Variants in DAAM2 observed in about 807,000 individuals in gnomAD.
The protein encoded by DAAM2 is disheveled-associated activator of morphogenesis 2.
In DAAM2, 39 loss-of-function variants were observed where a neutral mutation model predicts 120.7. The observed-to-expected ratio is 0.32, with a 90% CI of 0.25 to 0.42. The LOEUF (loss-of-function observed/expected upper bound fraction) is 0.42. DAAM2 is among the 10% of genes least tolerant of loss of function. DAAM2 has a pLI of 1.00. For synonymous variants in DAAM2, 488 were observed against 524.9 expected, an observed-to-expected ratio of 0.93 and a Z score of 0.96; for missense variants, 1,283 against 1,401.7, an observed-to-expected ratio of 0.92 and a Z score of 1.35.
intron 14 of DAAM2, chr6:39,881,817 G>T (rs1235718366): frequency 6.6e-6 from 1 of 151,904 alleles, no homozygotes; most frequent in African/African-American, 2.4e-5. Flanking sequence ...ATAATAAATA[G>T]ATTATTATTA....
rs117433317 is a variant in DAAM2, at chr6:39,832,197, A to C, written c.-56-24050A>C. Among the ~76,000 whole-genome samples, 1,356 of 152,058 alleles carry C rather than the reference A, an allele frequency of 8.9e-3. 18 individuals are homozygous for C. Among genetic ancestry groups the C allele is most frequent in the Admixed American group, 0.028 (425 of 15,278 alleles). ...GTAGAGGGGCCGACAGGTCAGTTGC[A>C]GTTAAACCTGGGTGAAAGTGGGGCT... On this transcript the variant is annotated intron_variant, in intron 1 of 24. Transcript: ENST00000274867.
intron 1 of DAAM2, among the ~76,000 whole-genome samples, chr6:39,844,667 G>A (rs1413831056): frequency 1.3e-5 from 2 of 152,126 alleles, no homozygotes; most frequent in South Asian, 2.1e-4. Context: ...CTTCTCAACA[G>A]TAACATTTCC....
intron 1 of DAAM2, among the ~76,000 whole-genome samples, chr6:39,811,684 G>A (rs1318248693): frequency 6.6e-6 from 1 of 152,032 alleles, no homozygotes; most frequent in East Asian, 1.9e-4. Flanking sequence ...TTTATGTCTG[G>A]GTTTGGCCTT....
At chr6:39,871,073 T>C (rs911716694) in intron 8 of DAAM2, among the ~76,000 whole-genome samples, 4 of 152,072 alleles carry the variant, frequency 2.6e-5, no homozygotes, top group African/African-American at 9.7e-5. Flanking sequence ...CTGGGGAAAA[T>C]AGACCAGGGC....
intron 1 of DAAM2, among the ~76,000 whole-genome samples, chr6:39,833,264 T>G (rs1322366426): frequency 6.6e-6 from 1 of 152,108 alleles, no homozygotes; most frequent in Non-Finnish European, 1.5e-5. Context: ...TCTTTTCCTT[T>G]CTTTTCTTTT....
intron 19 of DAAM2, 86 bp downstream of exon 19, chr6:39,891,808 G>A: frequency 4.0e-6 from 4 of 996,328 alleles, no homozygotes; most frequent in Non-Finnish European, 5.9e-6. Context: ...AGGGGCAGAG[G>A]GAAACCCCTT....
intron 17 of DAAM2, among the ~76,000 whole-genome samples, chr6:39,890,846 T>C (rs1217099229): frequency 1.3e-5 from 2 of 152,142 alleles, no homozygotes; most frequent in East Asian, 3.9e-4. Flanking sequence ...CTCAGCACTT[T>C]TGGAGGCTGA....
At position 39,884,066 on chromosome 6, in the gene DAAM2, C is replaced by G. The variant is rs773176524; in HGVS notation, c.1950C>G (p.His650Gln). The G allele has an allele frequency of 3.2e-6, 5 of 1,556,918 alleles. No homozygotes were observed. The highest frequency in any genetic ancestry group is 8.8e-7 in the Non-Finnish European group (1 of 1,131,430). Residue 650 changes from histidine to glutamine, a missense_variant, in exon 15 of 25, where the codon CAC becomes CAG. Around this residue, in one of 3 missense-constraint regions of DAAM2, gnomAD observed 748 missense variants for 768.6 expected, o/e 0.97. Coordinates refer to ENST00000274867, the MANE Select transcript of DAAM2 (RefSeq NM_001201427.2). ...FEKMFSAYQR[H>Q]QKELGSTEDI... ...AGATGTTTTCAGCCTACCAGAGGCACCAGGTAAGACCCTATACCCTCTGGC... is the reference window on the plus strand; with the variant it reads ...AGATGTTTTCAGCCTACCAGAGGCAGCAGGTAAGACCCTATACCCTCTGGC...
intron 1 of DAAM2, among the ~76,000 whole-genome samples, chr6:39,836,640 G>C (rs542674049): frequency 2.6e-5 from 4 of 152,134 alleles, no homozygotes; most frequent in Non-Finnish European, 4.4e-5. Context: ...CTCTGGGGTG[G>C]GGCCCAGCAA....
intron 1 of DAAM2, among the ~76,000 whole-genome samples, chr6:39,815,119 C>T (rs527975882): frequency 6.6e-6 from 1 of 152,358 alleles, no homozygotes; most frequent in South Asian, 2.1e-4. Context: ...GCTTCTGGAT[C>T]AAGCTCTAGG....
chr6:39,873,141 A>G (rs1362036223), intron 9 of DAAM2, 97 bp from the exon 10 acceptor site: 2 of 776,210 alleles, frequency 2.6e-6, no homozygotes, highest in African/African-American at 3.4e-5. Flanking sequence ...AACCTTTCCT[A>G]TGAGACAGGG....
chr6:39,882,917 T>C (rs1765194551), intron 14 of DAAM2, among the ~76,000 whole-genome samples: 1 of 152,052 alleles, frequency 6.6e-6, no homozygotes, highest in African/African-American at 2.4e-5. Flanking sequence ...GCCTCCCCTT[T>C]CCAGAGTTTA....
rs115241657 is a variant in DAAM2, at chr6:39,870,693, G to C, written c.977+250G>C. 9.8e-3 allele frequency among the ~76,000 whole-genome samples: 1,488 copies of C among 152,320 alleles called. 9 individuals carry two copies. The highest frequency in any genetic ancestry group is 0.033 in the African/African-American group (1,384 of 41,574). On this transcript the variant is annotated intron_variant, in intron 8 of 24. Coordinates refer to ENST00000274867, the MANE Select transcript of DAAM2 (RefSeq NM_001201427.2). ...TCAACCATTGCAGTACTTCCCCCTG[G>C]GGGGCATGTGGAAATATATGAGGGT...
At chr6:39,869,077 T>C (rs1371849285) in intron 7 of DAAM2, 144 bp downstream of exon 7, 15 of 663,786 alleles carry the variant, frequency 2.3e-5, no homozygotes, top group African/African-American at 1.8e-5. Flanking sequence ...GGTAGCATCA[T>C]GCACGGTGGA....
At chr6:39,824,456 T>C (rs1306375600) in intron 1 of DAAM2, among the ~76,000 whole-genome samples, 1 of 152,174 alleles carries the variant, frequency 6.6e-6, no homozygotes, top group Non-Finnish European at 1.5e-5. Flanking sequence ...CCCTGTTTGT[T>C]TTGACATCCC....
At chr6:39,886,132 C>G (rs1451047762) in intron 15 of DAAM2, 11 of 342,090 alleles carry the variant, frequency 3.2e-5, no homozygotes, top group Non-Finnish European at 4.7e-5. Flanking sequence ...TGGGAGAACT[C>G]AGGGGTTTGG....
intron 1 of DAAM2, among the ~76,000 whole-genome samples, chr6:39,830,319 C>T (rs564231657): frequency 3.3e-5 from 5 of 152,234 alleles, no homozygotes; most frequent in Non-Finnish European, 4.4e-5. Context: ...TGGGGCATTG[C>T]GAGAAATTGG....
chr6:39,810,589 C>T (rs1269667908), intron 1 of DAAM2, among the ~76,000 whole-genome samples: 2 of 152,072 alleles, frequency 1.3e-5, no homozygotes, highest in African/African-American at 4.8e-5. Flanking sequence ...CCCCAGCCCA[C>T]CTCTCCCCTG....
At chr6:39,804,398 A>G (rs377663848) in intron 1 of DAAM2, among the ~76,000 whole-genome samples, 6 of 152,182 alleles carry the variant, frequency 3.9e-5, no homozygotes, top group African/African-American at 1.4e-4. Flanking sequence ...CCCTGTGTGT[A>G]TTCATTTACT....
Sources: allele counts gnomAD v4.1 joint callset (sites outside exome capture counted in the v4.1 genomes callset), GRCh38; gene constraint gnomAD v4.1.1; regional missense constraint gnomAD v4.1.1; transcripts MANE v1.5; gene names NCBI Gene and HGNC (gene_info 2026-07-23, HGNC 2026-07-21).